Variants in COBLL1 observed in about 807,000 individuals in gnomAD.
COBLL1 encodes the protein cordon-bleu WH2 repeat protein like 1, also known as cordon-bleu protein-like 1.
A neutral mutation model predicts 94.8 loss-of-function variants in COBLL1; 50 were observed. That is an observed-to-expected ratio of 0.53 (90% CI 0.42 to 0.67). COBLL1 has a LOEUF of 0.67. COBLL1 is among the 30% of genes least tolerant of loss of function. COBLL1 has a pLI of 0.00. For synonymous variants in COBLL1, 448 were observed against 473.8 expected, an observed-to-expected ratio of 0.95 and a Z score of 0.71; for missense variants, 1,362 against 1,348.7, an observed-to-expected ratio of 1.01 and a Z score of -0.15.
chr2:164,768,712 C>A (rs1361104921), intron 2 of COBLL1, among the ~76,000 whole-genome samples: 1 of 152,048 alleles, frequency 6.6e-6, no homozygotes, highest in African/African-American at 2.4e-5. Flanking sequence ...TACTGTAAAT[C>A]TTATTAGTGT....
At chr2:164,664,826 TCTC>T (rs1233993689) in intron 2 of COBLL1, among the ~76,000 whole-genome samples, 1 of 152,154 alleles carries the variant, frequency 6.6e-6, no homozygotes, top group African/African-American at 2.4e-5. Context: ...GTCATTTAGT[TCTC>T]CTGATAAATT....
intron 2 of COBLL1, among the ~76,000 whole-genome samples, chr2:164,796,759 AGGCCAGGAGTTTGAGATCAGCCT>A (rs1205974641): frequency 6.7e-6 from 1 of 148,696 alleles, no homozygotes; most frequent in African/African-American, 2.5e-5. Flanking sequence ...AGGATTGCTG[AGGCCAGGAGTTTGAGATCAGCCT>A]GGGCAACATA....
At chr2:164,712,840 G>GA (rs965437536) in intron 7 of COBLL1, among the ~76,000 whole-genome samples, 3 of 151,910 alleles carry the variant, frequency 2.0e-5, no homozygotes, top group African/African-American at 7.3e-5. Flanking sequence ...TAATGATGAG[G>GA]AAAAAAATCA....
intron 2 of COBLL1, chr2:164,779,893 C>A (rs1688655054): frequency 2.6e-5 from 8 of 308,462 alleles, no homozygotes; most frequent in South Asian, 2.4e-4. Context: ...AGGCCTCCAT[C>A]TATGGGAATG....
At chr2:164,679,680 G>A (rs1682953172), downstream of COBLL1, among the ~76,000 whole-genome samples, 1 of 150,526 alleles carries the variant, frequency 6.6e-6, no homozygotes, top group Non-Finnish European at 1.5e-5. Flanking sequence ...TAAAAATAAT[G>A]CCGTGTTCCA....
intron 2 of COBLL1, among the ~76,000 whole-genome samples, chr2:164,784,767 G>T (rs995547444): frequency 6.6e-6 from 1 of 152,092 alleles, no homozygotes; most frequent in African/African-American, 2.4e-5. Flanking sequence ...TTCCCTTAGA[G>T]AAGGAAATTT....
intron 2 of COBLL1, among the ~76,000 whole-genome samples, chr2:164,763,997 GA>G (rs2105230291): frequency 6.6e-6 from 1 of 152,306 alleles, no homozygotes; most frequent in Non-Finnish European, 1.5e-5. Context: ...ATTGGCTCAA[GA>G]GATCCTCCTG....
intron 3 of COBLL1, among the ~76,000 whole-genome samples, chr2:164,736,229 T>C (rs1258804552): frequency 6.6e-6 from 1 of 152,164 alleles, no homozygotes; most frequent in African/African-American, 2.4e-5. Flanking sequence ...TTTTAAAACA[T>C]TCTCTATTGC....
At position 164,666,063 on chromosome 2, in the gene COBLL1, T is replaced by C. The variant is rs563241761; in HGVS notation, n.127-162A>G. On this transcript the variant is annotated intron_variant and non_coding_transcript_variant, in intron 1 of 2. Transcript: ENST00000495084. ...TGTGTGATACATATAATTAAGCTGA[T>C]TGATCACTATATAGTTTATGTATTG... Among the ~76,000 whole-genome samples, 32 of 152,324 alleles carry C rather than the reference T, an allele frequency of 2.1e-4. No homozygotes were observed. In the South Asian group the frequency reaches 5.4e-3, roughly 26 times the overall value.
At chr2:164,805,362 T>TATATATATATAA (rs1454985317) in intron 2 of COBLL1, among the ~76,000 whole-genome samples, 1 of 118,478 alleles carries the variant, frequency 8.4e-6, no homozygotes, top group African/African-American at 3.4e-5. Flanking sequence ...TATATATATA[T>TATATATATATAA]AAAACTAAAG....
intron 2 of COBLL1, among the ~76,000 whole-genome samples, chr2:164,665,464 TAAAAAAA>T (rs1303688011): frequency 7.1e-6 from 1 of 141,724 alleles, no homozygotes; most frequent in African/African-American, 2.6e-5. Flanking sequence ...TACTGTAGTT[TAAAAAAA>T]AAAAAAGACA....
At chr2:164,823,708 G>T (rs1158371456) in intron 2 of COBLL1, among the ~76,000 whole-genome samples, 1 of 152,152 alleles carries the variant, frequency 6.6e-6, no homozygotes, top group Non-Finnish European at 1.5e-5. Context: ...TCTCTCCCAT[G>T]ATTGCCAATC....
intron 2 of COBLL1, among the ~76,000 whole-genome samples, chr2:164,804,110 CAAAAAAA>C (rs71393642): frequency 2.4e-5 from 2 of 82,610 alleles, no homozygotes; most frequent in Non-Finnish European, 5.0e-5. Context: ...TAGGCCTTAG[CAAAAAAA>C]AAAAAAAAAG....
chr2:164,793,047 T>C (rs576862427), intron 2 of COBLL1, among the ~76,000 whole-genome samples: 4 of 152,188 alleles, frequency 2.6e-5, no homozygotes, highest in Admixed American at 6.5e-5. Flanking sequence ...CACATGCTTA[T>C]CTTCTGCTTC....
At chr2:164,703,006 T>C in intron 9 of COBLL1, 9 of 663,052 alleles carry the variant, frequency 1.4e-5, no homozygotes, top group South Asian at 2.1e-5. Flanking sequence ...TTATAAAATA[T>C]GTTTACACAA....
intron 2 of COBLL1, among the ~76,000 whole-genome samples, chr2:164,818,600 C>T (rs1250441406): frequency 2.2e-5 from 3 of 137,918 alleles, no homozygotes; most frequent in Admixed American, 7.1e-5. Flanking sequence ...ACATATATAG[C>T]ATATGTGTAC....
chr2:164,786,042 G>A (rs1307934554), intron 2 of COBLL1, among the ~76,000 whole-genome samples: 1 of 152,122 alleles, frequency 6.6e-6, no homozygotes, highest in Admixed American at 6.5e-5. Flanking sequence ...GAATAATAAT[G>A]TCTTAAATTT....
intron 2 of COBLL1, among the ~76,000 whole-genome samples, chr2:164,778,260 T>G (rs935014272): frequency 6.6e-6 from 1 of 152,112 alleles, no homozygotes; most frequent in South Asian, 2.1e-4. Context: ...AGGGTTATAC[T>G]TGGGAGGAAT....
Position 164,695,612 on chromosome 2 carries a change from G to A in COBLL1, c.1780C>T (p.Pro594Ser), listed in dbSNP as rs1683899540. ...GCATCTTTTGTCTTTTCTGCACTGG[G>A]TTGATTCAGTTTTTGATCTGGTACT... is the stretch of plus-strand genomic sequence containing the variant. ...SSVPDQKLNQ[P>S]SAEKTKDAAI... Residue 594 changes from proline to serine, a missense_variant, in exon 12 of 14, where the codon CCC (proline) becomes TCC (serine). Transcript: ENST00000652658. 1 of 1,613,728 alleles carries A rather than the reference G, an allele frequency of 6.2e-7. No individual in the cohort carries two copies. The highest frequency in any genetic ancestry group is 8.5e-7 in the Non-Finnish European group (1 of 1,179,902).
Sources: gnomAD v4.1 joint callset for allele counts (sites outside exome capture counted in the v4.1 genomes callset) on GRCh38, gnomAD v4.1.1 for gene constraint, MANE v1.5 for transcripts, NCBI Gene and HGNC (gene_info 2026-07-23, HGNC 2026-07-21) for gene names.